The following TBC1D14 variants were observed in gnomAD, a reference collection of about 807,000 sequenced individuals.
The protein encoded by TBC1D14 is TBC1 domain family, member 14.
Under a neutral mutation model 79.0 loss-of-function variants are expected in TBC1D14, and 26 were observed. The ratio of observed to expected loss-of-function variants is 0.33; its 90% CI spans 0.24 to 0.46. The LOEUF (loss-of-function observed/expected upper bound fraction) is 0.46, where lower values mean the gene tolerates loss of function less well. Among genes scored for constraint, TBC1D14 ranks in the 20% least tolerant of loss-of-function variants. The pLI is 1.00. For synonymous variants in TBC1D14, 394 were observed against 349.9 expected (o/e 1.13, Z -1.40); for missense variants, 769 against 887.6 (o/e 0.87, Z 1.70).
At chr4:7,025,289 C>T (rs764084621) in intron 13 of TBC1D14, 27 bp downstream of exon 13, 3 of 1,612,998 alleles carry the variant, frequency 1.9e-6, no homozygotes, top group East Asian at 2.2e-5. Context: ...TTCTTGGCTT[C>T]CCACAGCGTA....
intron 2 of TBC1D14, among the ~76,000 whole-genome samples, chr4:6,960,915 C>T (rs976470572): frequency 6.6e-6 from 1 of 152,182 alleles, no homozygotes; most frequent in Admixed American, 6.5e-5. Flanking sequence ...CCAACGCGTA[C>T]CTGACTACTC....
chr4:7,019,720 C>CGGGCACAGAGG (rs1721626182), intron 12 of TBC1D14, among the ~76,000 whole-genome samples: 1 of 151,732 alleles, frequency 6.6e-6, no homozygotes, highest in Admixed American at 6.6e-5. Flanking sequence ...AGGGAGGACT[C>CGGGCACAGAGG]TGGGGCACAG....
chr4:7,007,220 A>G (rs904300209), intron 9 of TBC1D14, among the ~76,000 whole-genome samples: 1 of 152,204 alleles, frequency 6.6e-6, no homozygotes, highest in Non-Finnish European at 1.5e-5. Flanking sequence ...CAGGTAGACC[A>G]GGAGAGCAGT....
intron 12 of TBC1D14, among the ~76,000 whole-genome samples, chr4:7,015,562 A>G (rs983714299): frequency 4.6e-5 from 7 of 152,294 alleles, no homozygotes; most frequent in South Asian, 2.1e-4. Context: ...GCAGGTCTTC[A>G]TGCTGTGGTG....
rs76051838 is a variant in TBC1D14 at position 6,923,239 on chromosome 4, C to G, written c.-17-134C>G. 8,641 of 1,040,580 alleles carry G rather than the reference C, an allele frequency of 8.3e-3. 57 individuals are homozygous for G. The highest frequency in any genetic ancestry group is 0.01 in the Middle Eastern group (36 of 3,536). 64.5% of individuals were successfully genotyped at this position (1,040,580 alleles called of 1,614,324 possible). On this transcript the variant is annotated intron_variant, in intron 1 of 13. Transcript: ENST00000409757. ...CCACTTCTAGCTTCTGGACTTGAATCAAAACTTGGGTATGTGGAACCTTTT... is the reference window on the plus strand; with the variant it reads ...CCACTTCTAGCTTCTGGACTTGAATGAAAACTTGGGTATGTGGAACCTTTT...
At chr4:6,986,649 C>G (rs550066609) in intron 3 of TBC1D14, among the ~76,000 whole-genome samples, 1 of 152,232 alleles carries the variant, frequency 6.6e-6, no homozygotes, top group East Asian at 1.9e-4. Flanking sequence ...CCGCGGCTGA[C>G]CAGAAGTAAT....
chr4:7,006,743 T>A lies in TBC1D14; in HGVS notation c.1446+17T>A. 6.2e-7 allele frequency: 1 copy of A among 1,605,514 alleles called. No individual in the cohort carries two copies. Among genetic ancestry groups the A allele is most frequent in the South Asian group, 1.1e-5 (1 of 90,354 alleles). ...TTCCAGCAAGTAAGTGGTGGTGACT[T>A]GTTGCTTTCAAGTATGTTTTGTCTA... is the stretch of plus-strand genomic sequence containing the variant. On this transcript the variant is annotated intron_variant, in intron 9 of 13. Transcript: ENST00000409757.
chr4:7,012,745 A>G lies in TBC1D14; in HGVS notation c.1648-1703A>G, dbSNP rs187124924. Among the ~76,000 whole-genome samples the G allele has an allele frequency of 2.2e-3, 331 of 152,294 alleles. 8 individuals carry two copies. Among genetic ancestry groups the G allele is most frequent in the Admixed American group, 0.02 (299 of 15,294 alleles). ...GTGTTTATAGTTTTTTGAATGATGG[A>G]TTAATAGTGTTTATGTGTTTCCTAA... is the stretch of plus-strand genomic sequence containing the variant. On this transcript the variant is annotated intron_variant, in intron 11 of 13. Coordinates refer to ENST00000409757, the MANE Select transcript of TBC1D14 (RefSeq NM_020773.3).
intron 12 of TBC1D14, among the ~76,000 whole-genome samples, chr4:7,022,107 C>T (rs565965445): frequency 7.9e-5 from 12 of 152,342 alleles, no homozygotes; most frequent in African/African-American, 2.9e-4. Context: ...CTGAGCAGTC[C>T]CTGCTGGAGG....
chr4:6,934,873 C>A (rs1712156660), intron 2 of TBC1D14, among the ~76,000 whole-genome samples: 1 of 151,894 alleles, frequency 6.6e-6, no homozygotes, highest in Admixed American at 6.6e-5. Context: ...AAACTGGGAG[C>A]TTGAGATTGG....
At chr4:6,956,397 A>T (rs185665838) in intron 2 of TBC1D14, among the ~76,000 whole-genome samples, 1 of 152,322 alleles carries the variant, frequency 6.6e-6, no homozygotes, top group East Asian at 1.9e-4. Context: ...TTTTCTGTTT[A>T]AAAATGTTGA....
intron 2 of TBC1D14, among the ~76,000 whole-genome samples, chr4:6,930,499 C>T (rs1711619484): frequency 6.6e-6 from 1 of 152,152 alleles, no homozygotes; most frequent in Admixed American, 6.5e-5. Context: ...TTATTCCTCA[C>T]TAAAAGTCTA....
rs769511160 is a variant in TBC1D14, at chr4:7,006,752, C to T, written c.1446+26C>T. 10 of 1,595,786 alleles carry T rather than the reference C, an allele frequency of 6.3e-6. No individual in the cohort carries two copies. The East Asian group carries it at 2.2e-4, about 36-fold the overall frequency. ...GTAAGTGGTGGTGACTTGTTGCTTT[C>T]AAGTATGTTTTGTCTAAAATTCATA... On this transcript the variant is annotated intron_variant, in intron 9 of 13. Coordinates refer to ENST00000409757, the MANE Select transcript of TBC1D14 (RefSeq NM_020773.3).
At chr4:6,973,868 G>C (rs1362296906) in intron 3 of TBC1D14, among the ~76,000 whole-genome samples, 1 of 151,948 alleles carries the variant, frequency 6.6e-6, no homozygotes, top group Non-Finnish European at 1.5e-5. Flanking sequence ...CTGTCACCCA[G>C]GCTGAAGTGC....
At chr4:6,986,932 A>C (rs138964792) in intron 3 of TBC1D14, among the ~76,000 whole-genome samples, 44 of 152,344 alleles carry the variant, frequency 2.9e-4, no homozygotes, top group Non-Finnish European at 2.9e-5. Context: ...CCCAGAGCTC[A>C]CTAGTGCGAC....
At chr4:6,936,070 T>G (rs1577058954) in intron 2 of TBC1D14, among the ~76,000 whole-genome samples, 3 of 152,372 alleles carry the variant, frequency 2.0e-5, no homozygotes, top group Middle Eastern at 3.4e-3. Context: ...CTTTTTACCC[T>G]CATGTGCACA....
intron 13 of TBC1D14, among the ~76,000 whole-genome samples, chr4:7,025,800 A>C (rs1328581444): frequency 1.3e-5 from 2 of 152,054 alleles, no homozygotes; most frequent in Non-Finnish European, 2.9e-5. Context: ...GAGTGCCCCA[A>C]ACAGTGGCGC....
At chr4:6,952,606 T>C (rs1445415684) in intron 2 of TBC1D14, among the ~76,000 whole-genome samples, 2 of 152,256 alleles carry the variant, frequency 1.3e-5, no homozygotes, top group African/African-American at 4.8e-5. Context: ...TAAAATTCCC[T>C]TTTCTGCTTC....
At chr4:6,998,546 C>T (rs1285259047) in intron 5 of TBC1D14, among the ~76,000 whole-genome samples, 1 of 147,812 alleles carries the variant, frequency 6.8e-6, no homozygotes, top group African/African-American at 2.5e-5. Flanking sequence ...TTTTTTCTTT[C>T]TTTTTTTTTT....
Sources: gnomAD v4.1 joint callset for allele counts (sites outside exome capture counted in the v4.1 genomes callset) on GRCh38, gnomAD v4.1.1 for gene constraint, MANE v1.5 for transcripts, NCBI Gene and HGNC (gene_info 2026-07-23, HGNC 2026-07-21) for gene names.